Variants in SNX2 observed in about 807,000 individuals in gnomAD.
The protein encoded by SNX2 is sorting nexin-2.
A neutral mutation model predicts 69.9 loss-of-function variants in SNX2; 25 were observed. That is an observed-to-expected ratio of 0.36 (90% CI 0.26 to 0.50). The LOEUF (loss-of-function observed/expected upper bound fraction) is 0.50, where lower values mean the gene tolerates loss of function less well. Ranked by LOEUF, SNX2 falls within the 20% of genes least tolerant of loss-of-function variation. The pLI is 0.97. For synonymous variants in SNX2, 229 were observed against 200.4 expected, an observed-to-expected ratio of 1.14 and a Z score of -1.20; for missense variants, 551 against 613.3, an observed-to-expected ratio of 0.90 and a Z score of 1.07.
rs150136454 is a variant in SNX2, at chr5:122,775,239, G to A, written c.108+28G>A. 4.6e-4 allele frequency: 697 copies of A among 1,529,894 alleles called. 5 individuals are homozygous for A. In the African/African-American group the frequency reaches 8.1e-3, roughly 18 times the overall value. 94.8% of individuals were successfully genotyped at this position (1,529,894 alleles called of 1,614,324 possible). On this transcript the variant is annotated intron_variant, in intron 1 of 14. Coordinates refer to ENST00000379516, the MANE Select transcript of SNX2 (RefSeq NM_003100.4). ...GAGACCGCGTCGCTGCGGGTGCTGC[G>A]CTGCGTAGCTGCCGCGCGTCTCACC... is the stretch of plus-strand genomic sequence containing the variant.
chr5:122,812,289 G>A (rs1460116273), intron 7 of SNX2, among the ~76,000 whole-genome samples: 2 of 152,086 alleles, frequency 1.3e-5, no homozygotes, highest in African/African-American at 4.8e-5. Flanking sequence ...GCCTCACTCT[G>A]TTACCCATTT....
chr5:122,806,094 ATG>A (rs147188322), intron 6 of SNX2, among the ~76,000 whole-genome samples: 26 of 124,754 alleles, frequency 2.1e-4, no homozygotes, highest in East Asian at 3.1e-4. Flanking sequence ...TAAAACTTTT[ATG>A]TGTGTGTGTG....
At chr5:122,797,285 C>G (rs144546488) in intron 2 of SNX2, among the ~76,000 whole-genome samples, 1 of 152,184 alleles carries the variant, frequency 6.6e-6, no homozygotes, top group Non-Finnish European at 1.5e-5. Flanking sequence ...TTCTGTGAAT[C>G]AAATATGGTG....
intron 1 of SNX2, among the ~76,000 whole-genome samples, chr5:122,786,694 A>C (rs1753096722): frequency 2.6e-5 from 4 of 152,038 alleles, no homozygotes; most frequent in Non-Finnish European, 5.9e-5. Flanking sequence ...AGAATAAAAA[A>C]AAAAATGGCA....
Position 122,798,368 on chromosome 5 carries a change from G to A in SNX2, c.227-1324G>A, listed in dbSNP as rs866559519. 6.8e-4 allele frequency among the ~76,000 whole-genome samples: 104 copies of A among 151,910 alleles called. 2 individuals are homozygous for A. The highest frequency in any genetic ancestry group is 2.4e-3 in the African/African-American group (100 of 41,360). On this transcript the variant is annotated intron_variant, in intron 2 of 14. Coordinates refer to ENST00000379516, the MANE Select transcript of SNX2 (RefSeq NM_003100.4). ...AGATTTTTAGTTATTGATCATTTTCGCTTTTAATATGAAAAAGTGAAGAGA... is the reference window on the plus strand; with the variant it reads ...AGATTTTTAGTTATTGATCATTTTCACTTTTAATATGAAAAAGTGAAGAGA...
In SNX2 at chr5:122,803,630, CA is replaced by C; in HGVS notation, c.643+22del. On this transcript the variant is annotated intron_variant, in intron 6 of 14. Transcript: ENST00000379516. The stretch of plus-strand genomic sequence containing the variant: ...GTATAGTAGGTAAGCACAAATTTTT[CA>C]AAAATTAATTTTTGTTACTGTTACT... 1.3e-6 allele frequency: 2 copies of C among 1,580,378 alleles called. No individual in the cohort carries two copies. Among genetic ancestry groups the C allele is most frequent in the Non-Finnish European group, 1.7e-6 (2 of 1,165,868 alleles).
At chr5:122,825,077 AT>A (rs1450075599) in intron 11 of SNX2, among the ~76,000 whole-genome samples, 1 of 151,850 alleles carries the variant, frequency 6.6e-6, no homozygotes, top group Non-Finnish European at 1.5e-5. Context: ...CTACCTACAT[AT>A]TTTTCTCTTC....
At chr5:122,817,258 C>G (rs1753919937) in intron 9 of SNX2, 22 bp from the exon 10 acceptor site, 4 of 1,603,020 alleles carry the variant, frequency 2.5e-6, no homozygotes, top group Non-Finnish European at 3.4e-6. Flanking sequence ...TAAATTAGCT[C>G]CATTTTTCAT....
chr5:122,815,759 A>C, intron 7 of SNX2, 137 bp from the exon 8 acceptor site: 1 of 427,142 alleles, frequency 2.3e-6, no homozygotes, highest in South Asian at 7.1e-5. Context: ...TAAGATTCTA[A>C]GTAATTACAG....
At chr5:122,826,269 T>TC in intron 12 of SNX2, 76 bp downstream of exon 12, 1 of 1,345,278 alleles carries the variant, frequency 7.4e-7, no homozygotes, top group South Asian at 1.6e-5. Flanking sequence ...TTTCATAATT[T>TC]TTTGTAAACC....
chr5:122,831,009 CA>C lies in SNX2; in HGVS notation c.*1385del, dbSNP rs58159922. The stretch of plus-strand genomic sequence containing the variant: ...AGGCAACAAAAGCAAAACTCCATCT[CA>C]AAAAAAAAAAAAAAAAAAAAAAAGA... On this transcript the variant is annotated 3_prime_UTR_variant, in exon 15 of 15. Coordinates refer to ENST00000379516, the MANE Select transcript of SNX2 (RefSeq NM_003100.4). 0.2 allele frequency among the ~76,000 whole-genome samples: 12,496 copies of C among 62,884 alleles called. 545 individuals carry two copies. The highest frequency in any genetic ancestry group is 0.35 in the East Asian group (677 of 1,958). The allele number at this position is 62,884 out of a possible 152,430, so 41.3% of individuals were successfully genotyped here. A position where few individuals can be genotyped will look rare whatever the true frequency, so the allele number is the denominator to read the frequency against.
chr5:122,788,825 A>G (rs570090157), intron 1 of SNX2, among the ~76,000 whole-genome samples: 12 of 152,132 alleles, frequency 7.9e-5, no homozygotes, highest in Admixed American at 2.0e-4. Flanking sequence ...TTCACTTCAA[A>G]TATGTTTACC....
At position 122,829,275 on chromosome 5, in the gene SNX2, G is replaced by A. The variant is rs536876545; in HGVS notation, c.1510-323G>A. Among the ~76,000 whole-genome samples, 165 of 151,984 alleles carry A rather than the reference G, an allele frequency of 1.1e-3. 1 individual carries two copies. The highest frequency in any genetic ancestry group is 3.6e-3 in the African/African-American group (150 of 41,460). On this transcript the variant is annotated intron_variant, in intron 14 of 14. Coordinates refer to ENST00000379516, the MANE Select transcript of SNX2 (RefSeq NM_003100.4). ...GTTGGAGTGCAGTGGTGTGATCTTGGCTCACTGCAACCTCTGTCTCCTGGG... is the reference window on the plus strand; with the variant it reads ...GTTGGAGTGCAGTGGTGTGATCTTGACTCACTGCAACCTCTGTCTCCTGGG...
chr5:122,827,379 TG>T lies in SNX2; in HGVS notation c.1360del (p.Glu454ArgfsTer30). ...TAAAATATTTCTTTGTTTTTATTAG[TG>T]GGAGGCGAAAGTGCAACAAGGGGAA... ...IQQAKNEIRE[W>X]EAKVQQGERD... On this transcript the variant is annotated frameshift_variant and splice_region_variant, in exon 13 of 15. Coordinates refer to ENST00000379516, the MANE Select transcript of SNX2 (RefSeq NM_003100.4). LOFTEE classifies it high-confidence loss of function. 1 of 1,612,174 alleles carries T rather than the reference TG, an allele frequency of 6.2e-7. No homozygotes were observed. Among genetic ancestry groups the T allele is most frequent in the Non-Finnish European group, 8.5e-7 (1 of 1,178,536 alleles).
At chr5:122,775,068 G>A, upstream of SNX2, 1 of 1,555,344 alleles carries the variant, frequency 6.4e-7, no homozygotes, top group South Asian at 1.2e-5. Flanking sequence ...ACGGGTCCGC[G>A]AGGCCCAGCT....
intron 14 of SNX2, among the ~76,000 whole-genome samples, chr5:122,829,327 C>T (rs10478568): frequency 0.4 from 60,253 of 151,542 alleles, 12,536 homozygotes; most frequent in African/African-American, 0.49. Context: ...ACCTCAGCCT[C>T]CCCAGTAGCT....
chr5:122,800,521 A>G (rs114270426), intron 3 of SNX2, among the ~76,000 whole-genome samples: 2,022 of 152,326 alleles, frequency 0.013, 20 homozygotes, highest in Non-Finnish European at 0.021. Flanking sequence ...AGATAAAAGT[A>G]AAGTACAGGG....
At position 122,826,010 on chromosome 5, in the gene SNX2, T is replaced by A. The variant is rs756176429; in HGVS notation, c.1213-40T>A. ...TCTAGTGTTAAGAAAGTATTTTAAA[T>A]GTTACTCTTACTTAATAGCATTATG... On this transcript the variant is annotated intron_variant, in intron 11 of 14. Coordinates refer to ENST00000379516, the MANE Select transcript of SNX2 (RefSeq NM_003100.4). The A allele has an allele frequency of 2.0e-5, 32 of 1,576,412 alleles. No individual in the cohort carries two copies. The Admixed American group carries it at 3.0e-4, about 15-fold the overall frequency.
rs111485174 is a variant in SNX2, at chr5:122,804,173, C to G, written c.643+560C>G. 3.1e-3 allele frequency among the ~76,000 whole-genome samples: 476 copies of G among 152,044 alleles called. 3 individuals carry two copies. The highest frequency in any genetic ancestry group is 0.023 in the South Asian group (112 of 4,822). On this transcript the variant is annotated intron_variant, in intron 6 of 14. Coordinates refer to ENST00000379516, the MANE Select transcript of SNX2 (RefSeq NM_003100.4). ...TATGAAGTTAAAAGCAGTTGGAAGCCCTAACCTTTTAGGGTCACTAGATTA... is the reference window on the plus strand; with the variant it reads ...TATGAAGTTAAAAGCAGTTGGAAGCGCTAACCTTTTAGGGTCACTAGATTA...
Sources: gnomAD v4.1 joint callset for allele counts (sites outside exome capture counted in the v4.1 genomes callset) on GRCh38, gnomAD v4.1.1 for gene constraint, MANE v1.5 for transcripts, NCBI Gene and HGNC (gene_info 2026-07-23, HGNC 2026-07-21) for gene names.